Variants in AFG1L observed in about 807,000 individuals in gnomAD.
The protein encoded by AFG1L is AFG1 like ATPase, also known as AFG1-like ATPase.
Under a neutral mutation model 62.2 loss-of-function variants are expected in AFG1L, and 53 were observed. The observed-to-expected ratio is 0.85, with a 90% CI of 0.68 to 1.07. The LOEUF (loss-of-function observed/expected upper bound fraction) is 1.07. Ranked by LOEUF, AFG1L falls within the 50% of genes least tolerant of loss-of-function variation. AFG1L has a pLI of 0.00. For synonymous variants in AFG1L, 228 were observed against 210.3 expected (o/e 1.08, Z -0.73); for missense variants, 555 against 590.5 (o/e 0.94, Z 0.62).
intron 1 of AFG1L, among the ~76,000 whole-genome samples, chr6:108,321,866 A>T: frequency 6.6e-6 from 1 of 152,124 alleles, no homozygotes; most frequent in East Asian, 1.9e-4. Context: ...TAAAAGCAAG[A>T]TAGAAGTTTA....
At chr6:108,414,539 C>G (rs188126580) in intron 7 of AFG1L, among the ~76,000 whole-genome samples, 1 of 152,092 alleles carries the variant, frequency 6.6e-6, no homozygotes, top group African/African-American at 2.4e-5. Context: ...ACTGGCAAAC[C>G]GAATCCAGCA....
chr6:108,343,086 T>C (rs565746745), intron 2 of AFG1L, among the ~76,000 whole-genome samples: 101 of 151,342 alleles, frequency 6.7e-4, no homozygotes, highest in Non-Finnish European at 1.2e-3. Context: ...TTTTTTTGAG[T>C]TGGAGTCTTC....
At chr6:108,312,531 C>T (rs1476701780) in intron 1 of AFG1L, among the ~76,000 whole-genome samples, 1 of 151,990 alleles carries the variant, frequency 6.6e-6, no homozygotes, top group Non-Finnish European at 1.5e-5. Flanking sequence ...GCACTCTAGC[C>T]TGGACGAAGA....
chr6:108,298,956 T>C (rs1252448832), intron 1 of AFG1L, among the ~76,000 whole-genome samples: 1 of 152,014 alleles, frequency 6.6e-6, no homozygotes, highest in African/African-American at 2.4e-5. Flanking sequence ...CAGAGACACT[T>C]CTTTGATAGA....
rs1221646252 is a variant in AFG1L at position 108,415,804 on chromosome 6, A to G, written c.807+13750A>G. ...ATTAAAGACTTAAATGTTAGACCTA[A>G]AACCATAAAAACCTAGAAGAAAACC... is the stretch of plus-strand genomic sequence containing the variant. On this transcript the variant is annotated intron_variant, in intron 7 of 12. Transcript: ENST00000368977. 3.9e-5 allele frequency among the ~76,000 whole-genome samples: 6 copies of G among 152,338 alleles called. No individual in the cohort carries two copies. In the South Asian group the frequency reaches 1.0e-3, roughly 26 times the overall value.
At chr6:108,497,365 C>T (rs1057448595) in intron 10 of AFG1L, among the ~76,000 whole-genome samples, 2 of 151,916 alleles carry the variant, frequency 1.3e-5, no homozygotes, top group Non-Finnish European at 2.9e-5. Flanking sequence ...TGTTTATTAG[C>T]CTCTTTTACT....
At chr6:108,512,533 GTTTTTACAGGACTAGGCTTCAAGA>G (rs1387513338) in intron 11 of AFG1L, among the ~76,000 whole-genome samples, 2 of 152,066 alleles carry the variant, frequency 1.3e-5, no homozygotes, top group Non-Finnish European at 2.9e-5. Context: ...GGAGGCTGCT[GTTTTTACAGGACTAGGCTTCAAGA>G]AGAAGACAAC....
At chr6:108,433,109 G>A (rs1338342605) in intron 7 of AFG1L, among the ~76,000 whole-genome samples, 1 of 152,150 alleles carries the variant, frequency 6.6e-6, no homozygotes, top group Non-Finnish European at 1.5e-5. Flanking sequence ...ACTTTGAAGA[G>A]GGCAGAAATG....
intron 1 of AFG1L, among the ~76,000 whole-genome samples, chr6:108,301,660 C>A (rs1347804010): frequency 6.6e-6 from 1 of 152,160 alleles, no homozygotes; most frequent in Admixed American, 6.5e-5. Context: ...ATGAAGAGTA[C>A]AATAGCAATA....
At position 108,307,238 on chromosome 6, in the gene AFG1L, T is replaced by C. The variant is rs893177285; in HGVS notation, c.139+12020T>C. 4.5e-4 allele frequency among the ~76,000 whole-genome samples: 68 copies of C among 152,002 alleles called. 1 individual carries two copies. Among genetic ancestry groups the C allele is most frequent in the Admixed American group, 1.4e-3 (22 of 15,274 alleles). On this transcript the variant is annotated intron_variant, in intron 1 of 12. Coordinates refer to ENST00000368977, the MANE Select transcript of AFG1L (RefSeq NM_145315.5). Reference sequence around the variant, plus strand: ...AATGTTGGCCAGGCTGGTCTAGAACTCCTGACGTCGTGATTTGCCCAACTT... The same window carrying C: ...AATGTTGGCCAGGCTGGTCTAGAACCCCTGACGTCGTGATTTGCCCAACTT...
intron 8 of AFG1L, among the ~76,000 whole-genome samples, chr6:108,450,274 A>G (rs1355716200): frequency 5.3e-5 from 8 of 152,098 alleles, no homozygotes; most frequent in Non-Finnish European, 1.2e-4. Context: ...TTGTTTCCTG[A>G]CTTTTTAATG....
intron 2 of AFG1L, among the ~76,000 whole-genome samples, chr6:108,338,846 C>A (rs1293664268): frequency 2.0e-5 from 3 of 152,184 alleles, no homozygotes; most frequent in African/African-American, 7.2e-5. Flanking sequence ...TACCAAGACA[C>A]ACATCCTGGA....
At chr6:108,316,120 G>T (rs1053039771) in intron 1 of AFG1L, among the ~76,000 whole-genome samples, 1 of 151,866 alleles carries the variant, frequency 6.6e-6, no homozygotes, top group Admixed American at 6.6e-5. Context: ...GGTGGCTGAC[G>T]CCTGTAATCC....
At chr6:108,341,578 G>A (rs975753308) in intron 2 of AFG1L, among the ~76,000 whole-genome samples, 1 of 152,008 alleles carries the variant, frequency 6.6e-6, no homozygotes, top group Non-Finnish European at 1.5e-5. Context: ...GCTTACCCAG[G>A]GTCACCTAGC....
intron 6 of AFG1L, among the ~76,000 whole-genome samples, chr6:108,393,946 G>A (rs1377369531): frequency 6.6e-6 from 1 of 151,870 alleles, no homozygotes; most frequent in Admixed American, 6.6e-5. Flanking sequence ...ACAACTAATA[G>A]AGTGAACATT....
intron 7 of AFG1L, among the ~76,000 whole-genome samples, chr6:108,425,237 G>A (rs1180889149): frequency 6.6e-6 from 1 of 152,146 alleles, no homozygotes; most frequent in Admixed American, 6.6e-5. Context: ...AATACAAACA[G>A]AGGGTTACAC....
At chr6:108,513,373 G>T (rs770687585) in intron 11 of AFG1L, among the ~76,000 whole-genome samples, 2 of 152,224 alleles carry the variant, frequency 1.3e-5, no homozygotes, top group Non-Finnish European at 2.9e-5. Flanking sequence ...GCGAAGGAAA[G>T]GGGTGACAGA....
At chr6:108,361,856 C>T (rs1371444045) in intron 5 of AFG1L, among the ~76,000 whole-genome samples, 2 of 152,142 alleles carry the variant, frequency 1.3e-5, no homozygotes, top group Admixed American at 1.3e-4. Flanking sequence ...ACCTTTTTTC[C>T]CATATCATAT....
chr6:108,325,382 A>C (rs1298316087), intron 2 of AFG1L, among the ~76,000 whole-genome samples: 1 of 150,842 alleles, frequency 6.6e-6, no homozygotes, highest in Non-Finnish European at 1.5e-5. Flanking sequence ...CTACCCAGCT[A>C]ACTTTCTACC....
Sources: gnomAD v4.1 joint callset for allele counts (sites outside exome capture counted in the v4.1 genomes callset) on GRCh38, gnomAD v4.1.1 for gene constraint, MANE v1.5 for transcripts, NCBI Gene and HGNC (gene_info 2026-07-23, HGNC 2026-07-21) for gene names.